PARD3B: variants seen among roughly 807,000 people sequenced by gnomAD.
PARD3B encodes par-3 family cell polarity regulator beta, also known as partitioning defective 3 homolog B.
A neutral mutation model predicts 130.2 loss-of-function variants in PARD3B; 103 were observed. The observed-to-expected ratio is 0.79, with a 90% CI of 0.67 to 0.93. The LOEUF (loss-of-function observed/expected upper bound fraction) is 0.93, where lower values mean the gene tolerates loss of function less well. Among genes scored for constraint, PARD3B ranks in the 40% least tolerant of loss-of-function variants. The pLI is 0.00. For synonymous variants in PARD3B, 583 were observed against 553.2 expected (o/e 1.05, Z -0.76); for missense variants, 1,609 against 1,499.2 (o/e 1.07, Z -1.21).
intron 2 of PARD3B, among the ~76,000 whole-genome samples, chr2:204,881,809 A>G (rs1055734524): frequency 6.6e-6 from 1 of 152,220 alleles, no homozygotes; most frequent in African/African-American, 2.4e-5. Flanking sequence ...TGTGTTGTGC[A>G]TCTGCTATCA....
chr2:205,198,031 C>G (rs1013896689), intron 15 of PARD3B, among the ~76,000 whole-genome samples: 1 of 152,126 alleles, frequency 6.6e-6, no homozygotes, highest in Admixed American at 6.6e-5. Context: ...TTTTATGACC[C>G]CATAATACTG....
chr2:205,254,758 G>A (rs1214802974), intron 16 of PARD3B, among the ~76,000 whole-genome samples: 1 of 150,954 alleles, frequency 6.6e-6, no homozygotes, highest in Non-Finnish European at 1.5e-5. Flanking sequence ...CCGCCCCCCG[G>A]GGTTCACGCC....
chr2:205,325,081 TC>T lies in PARD3B; in HGVS notation c.2630+23384del. On this transcript the variant is annotated intron_variant, in intron 18 of 22. Transcript: ENST00000406610. The surrounding 1 kb of genome is among the most constrained non-coding windows in gnomAD (Gnocchi z 4.1). The stretch of plus-strand genomic sequence containing the variant: ...CCTTAGTTCAAATTCTCCTAATTTC[TC>T]CCCAAATTAAAGCAATGACCTTCTG... Among the ~76,000 whole-genome samples, 1 of 152,258 alleles carries T rather than the reference TC, an allele frequency of 6.6e-6. No homozygotes were observed. The highest frequency in any genetic ancestry group is 2.4e-5 in the African/African-American group (1 of 41,560).
chr2:204,839,962 T>C (rs557724216), intron 2 of PARD3B, among the ~76,000 whole-genome samples: 2 of 152,290 alleles, frequency 1.3e-5, no homozygotes, highest in South Asian at 4.1e-4. Flanking sequence ...ATAATTAATA[T>C]ATCTTTCTTA....
chr2:205,272,163 A>G (rs1438323418), intron 16 of PARD3B, among the ~76,000 whole-genome samples: 2 of 152,068 alleles, frequency 1.3e-5, no homozygotes, highest in Non-Finnish European at 1.5e-5. Flanking sequence ...GTCTCAAAAA[A>G]AAAAAAAAAG....
chr2:204,932,446 A>C (rs10490276), intron 2 of PARD3B, among the ~76,000 whole-genome samples: 5 of 152,104 alleles, frequency 3.3e-5, no homozygotes, highest in Non-Finnish European at 7.4e-5. Context: ...TGTATTTTGC[A>C]TATGACCAAG....
chr2:205,541,232 C>T (rs1322843191), intron 21 of PARD3B, among the ~76,000 whole-genome samples: 2 of 151,892 alleles, frequency 1.3e-5, no homozygotes, highest in Non-Finnish European at 2.9e-5. Flanking sequence ...TCATAGTTTC[C>T]ATTCTCTTTT....
intron 2 of PARD3B, among the ~76,000 whole-genome samples, chr2:204,852,434 C>T (rs2044746015): frequency 6.6e-6 from 1 of 151,968 alleles, no homozygotes; most frequent in Non-Finnish European, 1.5e-5. Context: ...TTCCTCTTGG[C>T]CAATAGTTTA....
intron 2 of PARD3B, among the ~76,000 whole-genome samples, chr2:204,709,144 GA>G (rs922472905): frequency 1.3e-5 from 2 of 150,818 alleles, no homozygotes; most frequent in East Asian, 1.9e-4. Flanking sequence ...TTACCCTTTT[GA>G]AAAAAAAATT....
intron 16 of PARD3B, among the ~76,000 whole-genome samples, chr2:205,294,446 A>G (rs1574619907): frequency 6.6e-6 from 1 of 152,200 alleles, no homozygotes; most frequent in Non-Finnish European, 1.5e-5. Flanking sequence ...TAAACAAGAC[A>G]TAAAATTTTG....
intron 15 of PARD3B, 53 bp downstream of exon 15, chr2:205,193,373 A>G: frequency 1.5e-6 from 2 of 1,325,962 alleles, no homozygotes; most frequent in Middle Eastern, 1.8e-4. Flanking sequence ...CAGCCCATTT[A>G]TCTTCCCAAA....
At chr2:205,177,093 T>G (rs2035517256) in intron 13 of PARD3B, among the ~76,000 whole-genome samples, 2 of 152,186 alleles carry the variant, frequency 1.3e-5, no homozygotes, top group African/African-American at 4.8e-5. Flanking sequence ...TTTGCCTTAT[T>G]ATCTAATGTG....
At chr2:205,495,268 A>G (rs2049882914) in intron 20 of PARD3B, among the ~76,000 whole-genome samples, 1 of 152,226 alleles carries the variant, frequency 6.6e-6, no homozygotes, top group Non-Finnish European at 1.5e-5. Flanking sequence ...ATTTATTTTT[A>G]AAATCATTAC....
In PARD3B at chr2:205,124,375, A is replaced by G. The variant is rs1300730659; in HGVS notation, c.1214A>G (p.His405Arg). ...FTVVTRDSSI[H>R]GPGPIFVKNI... is the part of the protein sequence containing the mutation. ...GTGGTTACCAGAGACTCTTCCATAC[A>G]TGGTCCCGGTCCCATTTTTGTAAAA... is the stretch of plus-strand genomic sequence containing the variant. Residue 405 changes from histidine to arginine, a missense_variant, in exon 9 of 23, where the codon CAT becomes CGT. Coordinates refer to ENST00000406610, the MANE Select transcript of PARD3B (RefSeq NM_001302769.2). The G allele has an allele frequency of 6.2e-7, 1 of 1,600,126 alleles. No individual in the cohort carries two copies. Among genetic ancestry groups the G allele is most frequent in the Non-Finnish European group, 8.5e-7 (1 of 1,172,366 alleles).
chr2:205,222,004 C>T (rs560846225), intron 15 of PARD3B, among the ~76,000 whole-genome samples: 24 of 151,988 alleles, frequency 1.6e-4, no homozygotes, highest in Non-Finnish European at 2.8e-4. Flanking sequence ...CTAATGGGTA[C>T]TAGGCTTAAT....
intron 3 of PARD3B, among the ~76,000 whole-genome samples, chr2:205,035,687 A>G (rs1697768241): frequency 6.6e-6 from 1 of 150,966 alleles, no homozygotes; most frequent in Non-Finnish European, 1.5e-5. Flanking sequence ...GACTGGCAAT[A>G]GATTATATGC....
Position 205,122,757 on chromosome 2 carries a change from C to T in PARD3B, c.1165+808C>T, listed in dbSNP as rs922983544. ...GTAGTTTTAGAAAAACTATTAAGGT[C>T]TTTCAAAAACAAATAATGTATCATC... is the stretch of plus-strand genomic sequence containing the variant. On this transcript the variant is annotated intron_variant, in intron 8 of 22. Transcript: ENST00000406610. The surrounding 1 kb of genome is among the most constrained non-coding windows in gnomAD (Gnocchi z 4.3). Among the ~76,000 whole-genome samples the T allele has an allele frequency of 6.6e-6, 1 of 152,192 alleles. No individual in the cohort carries two copies.
At chr2:204,883,403 T>A (rs2046127036) in intron 2 of PARD3B, among the ~76,000 whole-genome samples, 2 of 127,126 alleles carry the variant, frequency 1.6e-5, no homozygotes, top group Admixed American at 7.8e-5. Context: ...TGTATATATA[T>A]ATTATATATA....
chr2:205,162,873 A>G (rs569499836), intron 11 of PARD3B, among the ~76,000 whole-genome samples: 1 of 152,258 alleles, frequency 6.6e-6, no homozygotes, highest in African/African-American at 2.4e-5. Flanking sequence ...TTTTATGTTC[A>G]TTTGCTAAAC....
Sources: allele counts gnomAD v4.1 joint callset (sites outside exome capture counted in the v4.1 genomes callset), GRCh38; gene constraint gnomAD v4.1.1; non-coding constraint Gnocchi (gnomAD v3.1); transcripts MANE v1.5; gene names NCBI Gene and HGNC (gene_info 2026-07-23, HGNC 2026-07-21).